ABCD2: variants seen among roughly 807,000 people sequenced by gnomAD.
ABCD2 encodes the protein ATP-binding cassette sub-family D member 2.
A neutral mutation model predicts 70.9 loss-of-function variants in ABCD2; 36 were observed. That is an observed-to-expected ratio of 0.51 (90% CI 0.39 to 0.67). The LOEUF is 0.67. Ranked by LOEUF, ABCD2 falls within the 30% of genes least tolerant of loss-of-function variation. The probability of loss-of-function intolerance (pLI) is 0.00; values close to 1 mark genes in which losing one functional copy is unlikely to be tolerated. For synonymous variants in ABCD2, 304 were observed against 306.9 expected (o/e 0.99, Z 0.10); for missense variants, 729 against 890.2 (o/e 0.82, Z 2.30).
chr12:39,592,347 T>G (rs540483690), intron 6 of ABCD2, among the ~76,000 whole-genome samples: 2 of 152,338 alleles, frequency 1.3e-5, no homozygotes, highest in South Asian at 4.1e-4. Context: ...ATAAATAGAT[T>G]GCTCATAATT....
At chr12:39,539,042 G>C in the ABCD2 span, among the ~76,000 whole-genome samples, 1 of 152,140 alleles carries the variant, frequency 6.6e-6, no homozygotes, top group Non-Finnish European at 1.5e-5. Flanking sequence ...ACCTCGTGTT[G>C]TCTGTTGGCG....
At chr12:39,585,624 G>A (rs898857419) in intron 7 of ABCD2, among the ~76,000 whole-genome samples, 1 of 151,974 alleles carries the variant, frequency 6.6e-6, no homozygotes, top group Non-Finnish European at 1.5e-5. Flanking sequence ...AAGCTTATAT[G>A]TACAAATGTT....
rs1037347850 is a variant in ABCD2, at chr12:39,551,201, T to A, written c.*2711A>T. On this transcript the variant is annotated 3_prime_UTR_variant, in exon 10 of 10. Coordinates refer to ENST00000308666, the MANE Select transcript of ABCD2 (RefSeq NM_005164.4). ...AACATTACATGCTGTAGAAATATAA[T>A]GCAACGTTTTCATAGAATCCAACTT... The A allele has an allele frequency of 5.3e-5, 8 of 151,644 alleles. No homozygotes were observed. The highest frequency in any genetic ancestry group is 1.2e-4 in the Non-Finnish European group (8 of 67,644). The allele number at this position is 151,644 out of a possible 1,614,324, so 9.4% of individuals were successfully genotyped here.
chr12:39,534,916 GAAAGAA>G, the ABCD2 span, among the ~76,000 whole-genome samples: 1 of 91,854 alleles, frequency 1.1e-5, no homozygotes, highest in East Asian at 3.0e-4. Flanking sequence ...AAGAAAGAAA[GAAAGAA>G]AGAAAGAAAG....
At chr12:39,598,642 C>T (rs1476727455) in intron 6 of ABCD2, among the ~76,000 whole-genome samples, 2 of 152,070 alleles carry the variant, frequency 1.3e-5, no homozygotes, top group South Asian at 2.1e-4. Flanking sequence ...TCAGGCGATT[C>T]GCCCGCCTCA....
chr12:39,578,920 A>G (rs1941558204), intron 8 of ABCD2, among the ~76,000 whole-genome samples: 1 of 152,180 alleles, frequency 6.6e-6, no homozygotes, highest in African/African-American at 2.4e-5. Context: ...TAGTGATTGT[A>G]TAGTCTTCAT....
At chr12:39,581,105 TA>T (rs1941589951) in intron 7 of ABCD2, among the ~76,000 whole-genome samples, 1 of 152,090 alleles carries the variant, frequency 6.6e-6, no homozygotes, top group South Asian at 2.1e-4. Flanking sequence ...TACATTGCAT[TA>T]AAAAATGTAT....
intron 9 of ABCD2, among the ~76,000 whole-genome samples, chr12:39,562,328 A>G (rs947539914): frequency 9.2e-5 from 14 of 152,188 alleles, no homozygotes; most frequent in African/African-American, 3.4e-4. Flanking sequence ...AAAGAAAGGA[A>G]ATAATATACA....
At chr12:39,590,459 T>C (rs1406357439) in intron 6 of ABCD2, among the ~76,000 whole-genome samples, 2 of 152,140 alleles carry the variant, frequency 1.3e-5, no homozygotes, top group Non-Finnish European at 2.9e-5. Context: ...ATCATCTCTA[T>C]ATGTTATGGA....
rs1436850373 is a variant in ABCD2 at position 39,600,688 on chromosome 12, G to A, written c.1529C>T (p.Thr510Ile). ...KVEEGMHLLI[T>I]GPNGCGKSSL... ...ACTTTTCCCACAACCATTGGGACCA[G>A]TTATCAAAAGATGCATTCCTTCTTC... The change falls in exon 6 of 10, where the codon ACT becomes ATT. Residue 510 changes from threonine (T) to isoleucine (I), a missense_variant. This residue lies in a region of ABCD2 where 289 missense variants were observed against 328.8 expected (regional missense o/e 0.88). Transcript: ENST00000308666. 3 of 1,610,860 alleles carry A rather than the reference G, an allele frequency of 1.9e-6. No individual in the cohort carries two copies. Among genetic ancestry groups the A allele is most frequent in the Non-Finnish European group, 2.5e-6 (3 of 1,178,720 alleles).
chr12:39,612,158 A>T (rs755038974), intron 2 of ABCD2, among the ~76,000 whole-genome samples: 9 of 152,180 alleles, frequency 5.9e-5, no homozygotes, highest in Non-Finnish European at 1.3e-4. Context: ...TTTTTTGGAA[A>T]ACTGTTTTAC....
intron 2 of ABCD2, among the ~76,000 whole-genome samples, chr12:39,616,167 G>T (rs1942112120): frequency 6.6e-6 from 1 of 152,156 alleles, no homozygotes; most frequent in Non-Finnish European, 1.5e-5. Flanking sequence ...TTTTAGTCCA[G>T]TGATTTTTAA....
At chr12:39,600,259 A>G (rs1417375550) in intron 6 of ABCD2, among the ~76,000 whole-genome samples, 1 of 152,198 alleles carries the variant, frequency 6.6e-6, no homozygotes, top group African/African-American at 2.4e-5. Context: ...GAGAAGAAAT[A>G]ATCTGACATC....
At chr12:39,591,024 A>G (rs1941738530) in intron 6 of ABCD2, among the ~76,000 whole-genome samples, 1 of 152,130 alleles carries the variant, frequency 6.6e-6, no homozygotes, top group Admixed American at 6.6e-5. Context: ...ATTTAATTGG[A>G]ACAATATTGA....
chr12:39,583,833 T>C (rs753556327), intron 7 of ABCD2, among the ~76,000 whole-genome samples: 61 of 152,234 alleles, frequency 4.0e-4, no homozygotes, highest in Non-Finnish European at 5.0e-4. Flanking sequence ...GCTCCATTCA[T>C]GTTCCCACAA....
At chr12:39,579,064 T>C (rs1941560100) in intron 8 of ABCD2, among the ~76,000 whole-genome samples, 1 of 152,062 alleles carries the variant, frequency 6.6e-6, no homozygotes, top group East Asian at 1.9e-4. Context: ...GATTCTACTA[T>C]AAGAAAAAAT....
At chr12:39,576,881 A>C (rs569710028) in intron 8 of ABCD2, among the ~76,000 whole-genome samples, 2 of 152,322 alleles carry the variant, frequency 1.3e-5, no homozygotes, top group African/African-American at 4.8e-5. Context: ...TATACCTAAA[A>C]TATGTGTATT....
intron 6 of ABCD2, among the ~76,000 whole-genome samples, chr12:39,598,439 T>G (rs1941849473): frequency 6.6e-6 from 1 of 152,202 alleles, no homozygotes; most frequent in Non-Finnish European, 1.5e-5. Context: ...TTGCTCTTGT[T>G]GCCCGGGCTG....
chr12:39,602,512 A>G (rs938279235), intron 5 of ABCD2, among the ~76,000 whole-genome samples: 2 of 152,072 alleles, frequency 1.3e-5, no homozygotes, highest in Non-Finnish European at 2.9e-5. Context: ...TCCTCTAGAA[A>G]CTTATTTTTC....
Sources: allele counts gnomAD v4.1 joint callset (sites outside exome capture counted in the v4.1 genomes callset), GRCh38; gene constraint gnomAD v4.1.1; regional missense constraint gnomAD v4.1.1; transcripts MANE v1.5; gene names NCBI Gene and HGNC (gene_info 2026-07-23, HGNC 2026-07-21).